Variants in LRRC37A2 observed in about 807,000 individuals in gnomAD.
The protein encoded by LRRC37A2 is leucine rich repeat containing 37 member A2.
Under a neutral mutation model 68.8 loss-of-function variants are expected in LRRC37A2, and 9 were observed. That is an observed-to-expected ratio of 0.13 (90% confidence interval 0.08 to 0.23). The LOEUF (loss-of-function observed/expected upper bound fraction) is 0.23, where lower values mean the gene tolerates loss of function less well. Among genes scored for constraint, LRRC37A2 ranks in the 10% least tolerant of loss-of-function variants. The pLI, the probability that LRRC37A2 is intolerant of heterozygous loss-of-function variation, is 1.00. For synonymous variants in LRRC37A2, 63 were observed against 367.6 expected (o/e 0.17, Z 9.48); for missense variants, 168 against 950.4 (o/e 0.18, Z 10.82).
the LRRC37A2 span, among the ~76,000 whole-genome samples, chr17:46,866,467 A>AGTGT: frequency 6.6e-6 from 1 of 151,370 alleles, no homozygotes. Context: ...AGGGAGTGTG[A>AGTGT]GTGTGTGTGT....
the LRRC37A2 span, among the ~76,000 whole-genome samples, chr17:46,748,012 G>A: frequency 6.6e-6 from 1 of 152,130 alleles, no homozygotes; most frequent in African/African-American, 2.4e-5. Context: ...TATTAAAAAG[G>A]TTAGAAACAA....
chr17:46,979,571 A>G, the LRRC37A2 span, among the ~76,000 whole-genome samples: 1 of 152,092 alleles, frequency 6.6e-6, no homozygotes, highest in Non-Finnish European at 1.5e-5. Flanking sequence ...TTCGCTTATT[A>G]TTTAAGCCCT....
At chr17:46,462,167 A>G in the LRRC37A2 span, among the ~76,000 whole-genome samples, 9 of 78,986 alleles carry the variant, frequency 1.1e-4, 3 homozygotes, top group Non-Finnish European at 2.4e-4. Flanking sequence ...CTCAAAGACA[A>G]TGTGATGATA....
the LRRC37A2 span, chr17:46,851,714 G>T: frequency 7.7e-7 from 1 of 1,292,538 alleles, no homozygotes; most frequent in Non-Finnish European, 9.8e-7. This position sits in a 1 kb window ranked among gnomAD's most constrained non-coding sequence, Gnocchi z 4.3. Flanking sequence ...CTCCTACTTC[G>T]GGTCAGTGCC....
At chr17:46,726,650 C>T in the LRRC37A2 span, 14 of 1,555,202 alleles carry the variant, frequency 9.0e-6, no homozygotes, top group Non-Finnish European at 1.2e-5. Flanking sequence ...ATTATCTTTG[C>T]CACATTACAG....
chr17:46,878,461 G>A, the LRRC37A2 span, among the ~76,000 whole-genome samples: 6 of 152,334 alleles, frequency 3.9e-5, no homozygotes, highest in East Asian at 7.7e-4. Flanking sequence ...GACTGCAGAG[G>A]CCCGGCTGAG....
chr17:46,804,020 C>T, the LRRC37A2 span, among the ~76,000 whole-genome samples: 1 of 152,118 alleles, frequency 6.6e-6, no homozygotes, highest in Admixed American at 6.6e-5. Flanking sequence ...TCCATCCTTG[C>T]ACCTGCATTG....
chr17:46,568,514 A>G, the LRRC37A2 span, among the ~76,000 whole-genome samples: 99,709 of 108,530 alleles, frequency 0.92, 47,440 homozygotes, highest in East Asian at 0.99. Flanking sequence ...AAAAAAAAAG[A>G]GGGGGGGAGG....
intron 8 of LRRC37A2, among the ~76,000 whole-genome samples, chr17:46,542,934 C>G (rs1177510176): frequency 6.7e-6 from 1 of 149,866 alleles, no homozygotes; most frequent in African/African-American, 2.5e-5. Flanking sequence ...AGGTCACTTT[C>G]TTATCTTGAC....
chr17:46,854,413 ATCT>A, the LRRC37A2 span, among the ~76,000 whole-genome samples: 1,921 of 152,278 alleles, frequency 0.013, 42 homozygotes, highest in African/African-American at 0.043. Context: ...GGTGAGGCCG[ATCT>A]TCTTGGGCTC....
chr17:46,738,429 T>G, the LRRC37A2 span, among the ~76,000 whole-genome samples: 1 of 152,152 alleles, frequency 6.6e-6, no homozygotes, highest in African/African-American at 2.4e-5. Flanking sequence ...TAGCCTTTTT[T>G]AAGAGGAAAA....
chr17:47,034,452 G>A, the LRRC37A2 span, among the ~76,000 whole-genome samples: 1 of 152,070 alleles, frequency 6.6e-6, no homozygotes, highest in Non-Finnish European at 1.5e-5. Context: ...TAGTTCAGAG[G>A]TAATGCTGAG....
At chr17:46,787,398 T>C in the LRRC37A2 span, among the ~76,000 whole-genome samples, 1 of 152,218 alleles carries the variant, frequency 6.6e-6, no homozygotes, top group Non-Finnish European at 1.5e-5. Context: ...TGTTAGGTCA[T>C]AAAATGTCAA....
chr17:46,492,318 A>T, the LRRC37A2 span, among the ~76,000 whole-genome samples: 1 of 150,998 alleles, frequency 6.6e-6, no homozygotes, highest in Non-Finnish European at 1.5e-5. Context: ...TGTACAGTGC[A>T]TAATGTATTT....
chr17:46,846,770 A>G, the LRRC37A2 span, among the ~76,000 whole-genome samples: 10 of 152,096 alleles, frequency 6.6e-5, no homozygotes, highest in Non-Finnish European at 1.0e-4. Flanking sequence ...CAATTCAAAG[A>G]GTTCTGTGAG....
At chr17:47,037,218 A>G in the LRRC37A2 span, among the ~76,000 whole-genome samples, 1 of 151,654 alleles carries the variant, frequency 6.6e-6, no homozygotes, top group Non-Finnish European at 1.5e-5. Flanking sequence ...TGAACCCAGG[A>G]GGTGGAGGTT....
the LRRC37A2 span, chr17:46,923,728 T>C: frequency 6.6e-6 from 3 of 454,312 alleles, no homozygotes; most frequent in African/African-American, 6.0e-5. Context: ...GCATTCACTA[T>C]TATTACTTGT....
the LRRC37A2 span, chr17:46,930,663 T>A: frequency 3.6e-4 from 11 of 30,260 alleles, no homozygotes; most frequent in East Asian, 1.4e-3. Context: ...TTTTTTTTTT[T>A]AAATAAAAAA....
the LRRC37A2 span, among the ~76,000 whole-genome samples, chr17:46,719,288 A>ATAT: frequency 3.3e-5 from 5 of 152,224 alleles, no homozygotes; most frequent in Non-Finnish European, 1.5e-5. The surrounding 1 kb of genome is among the most constrained non-coding windows in gnomAD (Gnocchi z 4.3). Flanking sequence ...TTCATAGAGC[A>ATAT]TCTTTACCTA....
Sources: gnomAD v4.1 joint callset for allele counts (sites outside exome capture counted in the v4.1 genomes callset) on GRCh38, gnomAD v4.1.1 for gene constraint, Gnocchi (gnomAD v3.1) non-coding constraint, MANE v1.5 for transcripts, NCBI Gene and HGNC (gene_info 2026-07-23, HGNC 2026-07-21) for gene names.